Variants in THSD7B observed in about 807,000 individuals in gnomAD.
THSD7B encodes the protein thrombospondin type 1 domain containing 7B.
A neutral mutation model predicts 213.6 loss-of-function variants in THSD7B; 138 were observed. That is an observed-to-expected ratio of 0.65 (90% CI 0.56 to 0.74). THSD7B has a LOEUF of 0.74. THSD7B is among the 30% of genes least tolerant of loss of function. THSD7B has a pLI of 0.00. For synonymous variants in THSD7B, 742 were observed against 687.0 expected, an observed-to-expected ratio of 1.08 and a Z score of -1.25; for missense variants, 1,931 against 1,991.5, an observed-to-expected ratio of 0.97 and a Z score of 0.58.
At chr2:137,456,839 C>T (rs1687772827) in intron 15 of THSD7B, among the ~76,000 whole-genome samples, 1 of 152,168 alleles carries the variant, frequency 6.6e-6, no homozygotes, top group Admixed American at 6.5e-5. Flanking sequence ...AAACATTTTA[C>T]CTCTCTCTGC....
intron 15 of THSD7B, among the ~76,000 whole-genome samples, chr2:137,561,047 T>G (rs1414378008): frequency 6.6e-6 from 1 of 152,164 alleles, no homozygotes; most frequent in Non-Finnish European, 1.5e-5. Flanking sequence ...TTCAAGTAAT[T>G]CCATGAGAAT....
At chr2:137,046,806 T>C (rs972358347) in intron 2 of THSD7B, among the ~76,000 whole-genome samples, 4 of 151,482 alleles carry the variant, frequency 2.6e-5, no homozygotes, top group African/African-American at 9.7e-5. Context: ...GCTTGGCTTA[T>C]TGGGGGAACC....
chr2:137,658,273 T>C (rs1385895850), intron 24 of THSD7B, among the ~76,000 whole-genome samples: 1 of 152,188 alleles, frequency 6.6e-6, no homozygotes, highest in Non-Finnish European at 1.5e-5. Context: ...TAAGTCTCCC[T>C]AGTCAGGAAC....
In THSD7B at chr2:137,676,655, C is replaced by T; in HGVS notation, c.*50C>T. ...ACATCAACTGCCTTAACCGCTTTCT[C>T]TTTTGTAGCTCTCAGACTTCTCAGT... On this transcript the variant is annotated 3_prime_UTR_variant, in exon 28 of 28. Coordinates refer to ENST00000409968, the MANE Select transcript of THSD7B (RefSeq NM_001316349.2). 1.4e-6 allele frequency: 2 copies of T among 1,467,638 alleles called. No homozygotes were observed. Among genetic ancestry groups the T allele is most frequent in the Non-Finnish European group, 1.8e-6 (2 of 1,098,058 alleles). The allele number at this position is 1,467,638 out of a possible 1,614,324, so 90.9% of individuals were successfully genotyped here. A position where few individuals can be genotyped will look rare whatever the true frequency, so the allele number is the denominator to read the frequency against.
chr2:137,536,024 TGA>T (rs1358804245), intron 15 of THSD7B, among the ~76,000 whole-genome samples: 1 of 150,506 alleles, frequency 6.6e-6, no homozygotes, highest in East Asian at 2.0e-4. Context: ...TAACCGGCCA[TGA>T]GTATGGAAAC....
chr2:137,656,990 T>C, intron 23 of THSD7B, 21 bp downstream of exon 23: 1 of 1,613,434 alleles, frequency 6.2e-7, no homozygotes, highest in Non-Finnish European at 8.5e-7. Context: ...CACTTTTCAG[T>C]TCTTTAGCCT....
At chr2:137,100,123 A>C (rs1374326038) in intron 4 of THSD7B, among the ~76,000 whole-genome samples, 1 of 152,020 alleles carries the variant, frequency 6.6e-6, no homozygotes, top group East Asian at 1.9e-4. Flanking sequence ...TTTCTTGAGA[A>C]AACCCTGGGT....
intron 12 of THSD7B, among the ~76,000 whole-genome samples, chr2:137,310,316 C>A (rs1407009005): frequency 6.8e-6 from 1 of 148,066 alleles, no homozygotes; most frequent in African/African-American, 2.5e-5. Context: ...TGAGAAGTGT[C>A]TGTTCATGTC....
intron 3 of THSD7B, among the ~76,000 whole-genome samples, chr2:137,088,415 T>A (rs2104911439): frequency 6.6e-6 from 1 of 152,048 alleles, no homozygotes; most frequent in South Asian, 2.1e-4. Context: ...CTGGGATAAT[T>A]GGCTAGCCAC....
chr2:137,312,119 G>T (rs1427573422), intron 12 of THSD7B, among the ~76,000 whole-genome samples: 1 of 151,514 alleles, frequency 6.6e-6, no homozygotes, highest in African/African-American at 2.4e-5. Context: ...GAATTCGGCT[G>T]TGAATCCATC....
intron 3 of THSD7B, among the ~76,000 whole-genome samples, chr2:137,090,824 G>A (rs1687936248): frequency 6.6e-6 from 1 of 152,150 alleles, no homozygotes; most frequent in South Asian, 2.1e-4. Flanking sequence ...AATCTAAGGG[G>A]TGAGTAAATC....
At chr2:136,891,263 T>C (rs1683853630) in intron 2 of THSD7B, among the ~76,000 whole-genome samples, 2 of 152,172 alleles carry the variant, frequency 1.3e-5, no homozygotes, top group Admixed American at 6.5e-5. Flanking sequence ...CATAGTGAGC[T>C]TTCTTCTAAT....
intron 6 of THSD7B, among the ~76,000 whole-genome samples, chr2:137,165,608 T>C (rs116465196): frequency 0.011 from 1,625 of 152,158 alleles, 20 homozygotes; most frequent in Non-Finnish European, 0.016. Context: ...GAAGCTGGGG[T>C]ACACAGGCTA....
In THSD7B at chr2:137,563,367, G is replaced by A; in HGVS notation, c.3272+13G>A. 1.2e-6 allele frequency: 2 copies of A among 1,611,910 alleles called. No homozygotes were observed. Among genetic ancestry groups the A allele is most frequent in the Non-Finnish European group, 1.7e-6 (2 of 1,178,866 alleles). ...CTAGGAAAATCAGGTGTGTGAAAATGGAGAGATTTGGGAAATAGGGGGAAG... is the reference window on the plus strand; with the variant it reads ...CTAGGAAAATCAGGTGTGTGAAAATAGAGAGATTTGGGAAATAGGGGGAAG... On this transcript the variant is annotated intron_variant, in intron 16 of 27. Coordinates refer to ENST00000409968, the MANE Select transcript of THSD7B (RefSeq NM_001316349.2).
chr2:137,484,335 A>G (rs1166935362), intron 15 of THSD7B, among the ~76,000 whole-genome samples: 1,095 of 145,060 alleles, frequency 7.5e-3, no homozygotes, highest in Non-Finnish European at 0.013. Flanking sequence ...CCATGTCCCT[A>G]CAAAGGACAT....
intron 14 of THSD7B, among the ~76,000 whole-genome samples, chr2:137,446,646 T>C (rs6749515): frequency 0.083 from 12,656 of 152,060 alleles, 1,114 homozygotes; most frequent in African/African-American, 0.22. Flanking sequence ...ATATGCATAC[T>C]GATAACTAAA....
intron 15 of THSD7B, among the ~76,000 whole-genome samples, chr2:137,460,966 A>G (rs1359335689): frequency 6.6e-6 from 1 of 152,124 alleles, no homozygotes; most frequent in Non-Finnish European, 1.5e-5. Context: ...GGAATTTTGC[A>G]TTATGTACTC....
At chr2:136,799,902 C>T (rs997461532) in intron 1 of THSD7B, among the ~76,000 whole-genome samples, 1 of 151,908 alleles carries the variant, frequency 6.6e-6, no homozygotes, top group Non-Finnish European at 1.5e-5. Context: ...CTTCTGCCCT[C>T]AATAACATGA....
chr2:137,007,315 A>T (rs539786227), intron 2 of THSD7B, among the ~76,000 whole-genome samples: 10 of 152,304 alleles, frequency 6.6e-5, no homozygotes, highest in African/African-American at 2.2e-4. Context: ...GAATATTTAG[A>T]TGCCTAAATA....
Sources: gnomAD v4.1 joint callset for allele counts (sites outside exome capture counted in the v4.1 genomes callset) on GRCh38, gnomAD v4.1.1 for gene constraint, MANE v1.5 for transcripts, NCBI Gene and HGNC (gene_info 2026-07-23, HGNC 2026-07-21) for gene names.